GNA13: variants seen among roughly 807,000 people sequenced by gnomAD.
GNA13 encodes guanine nucleotide-binding protein subunit alpha-13.
GNA13 carries 4 observed loss-of-function variants against 33.5 expected under a neutral mutation model. That is an observed-to-expected ratio of 0.12 (90% confidence interval 0.06 to 0.27). GNA13 has a LOEUF of 0.27. Ranked by LOEUF, GNA13 falls within the 10% of genes least tolerant of loss-of-function variation. GNA13 has a pLI of 1.00. For synonymous variants in GNA13, 176 were observed against 183.8 expected, an observed-to-expected ratio of 0.96 and a Z score of 0.34; for missense variants, 319 against 487.2, an observed-to-expected ratio of 0.65 and a Z score of 3.25.
In GNA13 at chr17:65,011,036, C is replaced by T. The variant is rs959835117; in HGVS notation, c.*3221G>A. On this transcript the variant is annotated 3_prime_UTR_variant, in exon 4 of 4. Coordinates refer to ENST00000439174, the MANE Select transcript of GNA13 (RefSeq NM_006572.6). ...AGGCATAATCGGATGTGTATTAATG[C>T]TGAAAATACATTTTATCAAAAGCAT... The T allele has an allele frequency of 1.0e-5, 2 of 200,726 alleles. No homozygotes were observed. The highest frequency in any genetic ancestry group is 4.6e-5 in the African/African-American group (2 of 43,472). The allele number at this position is 200,726 out of a possible 1,614,324, so 12.4% of individuals were successfully genotyped here. A position where few individuals can be genotyped will look rare whatever the true frequency, so the allele number is the denominator to read the frequency against.
At chr17:65,022,775 GC>G (rs1906630182) in intron 2 of GNA13, among the ~76,000 whole-genome samples, 1 of 152,234 alleles carries the variant, frequency 6.6e-6, no homozygotes, top group African/African-American at 2.4e-5. Flanking sequence ...AGCAAGGAAT[GC>G]CATTTACCAA....
Position 65,013,692 on chromosome 17 carries a change from A to C in GNA13, c.*565T>G, listed in dbSNP as rs1906268644. ...TCAGAAACACAGAAATCTAAAAGCA[A>C]AACAGCTGTTGTGTATACAAGCAAT... On this transcript the variant is annotated 3_prime_UTR_variant, in exon 4 of 4. Transcript: ENST00000439174. 9.6e-6 allele frequency: 2 copies of C among 208,556 alleles called. No homozygotes were observed. Among genetic ancestry groups the C allele is most frequent in the Non-Finnish European group, 2.0e-5 (2 of 102,236 alleles). 12.9% of individuals were successfully genotyped at this position (208,556 alleles called of 1,614,324 possible).
At chr17:65,017,402 TGAA>T (rs149604653) in intron 3 of GNA13, among the ~76,000 whole-genome samples, 149 of 152,286 alleles carry the variant, frequency 9.8e-4, no homozygotes, top group African/African-American at 2.9e-3. Flanking sequence ...ACTAGCTGTG[TGAA>T]GAAGAAGAAA....
intron 2 of GNA13, among the ~76,000 whole-genome samples, chr17:65,025,647 G>T (rs1475740254): frequency 6.6e-6 from 1 of 152,050 alleles, no homozygotes; most frequent in African/African-American, 2.4e-5. Flanking sequence ...CCTAAACATT[G>T]CATGATAGGT....
At chr17:65,030,157 G>T (rs182110778) in intron 2 of GNA13, among the ~76,000 whole-genome samples, 246 of 152,310 alleles carry the variant, frequency 1.6e-3, no homozygotes, top group Non-Finnish European at 2.7e-3. Context: ...CTGGTAGTTC[G>T]AAGAGAATAA....
chr17:65,034,943 G>A (rs1054575822), intron 2 of GNA13, among the ~76,000 whole-genome samples: 4 of 152,076 alleles, frequency 2.6e-5, no homozygotes, highest in African/African-American at 7.2e-5. Context: ...GTAACACCAC[G>A]CCTGGCTAAT....
intron 2 of GNA13, among the ~76,000 whole-genome samples, chr17:65,020,738 C>T (rs976786351): frequency 6.6e-6 from 1 of 151,798 alleles, no homozygotes; most frequent in Non-Finnish European, 1.5e-5. Context: ...ACAACCTCCA[C>T]CTCCCGGGTT....
intron 2 of GNA13, among the ~76,000 whole-genome samples, chr17:65,038,233 T>C (rs1213941408): frequency 6.6e-6 from 1 of 152,034 alleles, no homozygotes; most frequent in African/African-American, 2.4e-5. Flanking sequence ...TGAAACCCTG[T>C]CTCTACTAAA....
intron 2 of GNA13, among the ~76,000 whole-genome samples, chr17:65,027,312 G>GC (rs1323287022): frequency 1.5e-5 from 1 of 66,686 alleles, no homozygotes; most frequent in East Asian, 6.6e-4. Flanking sequence ...CCCCTCCCCC[G>GC]CCTTTTTTTT....
intron 2 of GNA13, among the ~76,000 whole-genome samples, chr17:65,025,368 T>C (rs1450858867): frequency 6.6e-6 from 1 of 152,228 alleles, no homozygotes; most frequent in East Asian, 1.9e-4. Context: ...CTTTATTTCC[T>C]ACTGTACTAC....
At chr17:65,049,262 AC>A (rs1425403705) in intron 2 of GNA13, among the ~76,000 whole-genome samples, 2 of 152,108 alleles carry the variant, frequency 1.3e-5, no homozygotes, top group Admixed American at 6.6e-5. Context: ...GGTACATGTC[AC>A]CATGCCTGGC....
At chr17:65,017,777 T>C (rs577151392) in intron 3 of GNA13, among the ~76,000 whole-genome samples, 13 of 152,208 alleles carry the variant, frequency 8.5e-5, no homozygotes, top group Admixed American at 8.5e-4. Flanking sequence ...TGTCAAAAGA[T>C]TTGGAAATCA....
Position 65,013,488 on chromosome 17 carries a change from A to G in GNA13, c.*769T>C, listed in dbSNP as rs374947814. 85 of 212,506 alleles carry G rather than the reference A, an allele frequency of 4.0e-4. No homozygotes were observed. The highest frequency in any genetic ancestry group is 1.8e-3 in the African/African-American group (78 of 44,348). 13.2% of individuals were successfully genotyped at this position (212,506 alleles called of 1,614,324 possible). On this transcript the variant is annotated 3_prime_UTR_variant, in exon 4 of 4. Coordinates refer to ENST00000439174, the MANE Select transcript of GNA13 (RefSeq NM_006572.6). ...GGCCAGAATGTTTCACATATGGTAC[A>G]TTAAACTACATGATAATTAAATATG...
chr17:65,054,192 G>A (rs1907954271), intron 1 of GNA13, among the ~76,000 whole-genome samples: 1 of 152,146 alleles, frequency 6.6e-6, no homozygotes, highest in South Asian at 2.1e-4. Flanking sequence ...TGTTGCTTCG[G>A]CACCCTAACC....
intron 3 of GNA13, 131 bp downstream of exon 3, chr17:65,018,122 A>G (rs1906443067): frequency 5.3e-5 from 11 of 208,160 alleles, no homozygotes; most frequent in African/African-American, 1.7e-4. Context: ...AAAAAAAAAA[A>G]AAAAAAAAAA....
chr17:65,018,302 C>G lies in GNA13; in HGVS notation c.512G>C (p.Gly171Ala), dbSNP rs755140947. 1 of 1,464,498 alleles carries G rather than the reference C, an allele frequency of 6.8e-7. No individual in the cohort carries two copies. Among genetic ancestry groups the G allele is most frequent in the Non-Finnish European group, 9.6e-7 (1 of 1,043,854 alleles). The allele number at this position is 1,464,498 out of a possible 1,614,324, so 90.7% of individuals were successfully genotyped here. Residue 171 changes from glycine to alanine, a missense_variant and splice_region_variant, in exon 3 of 4, where the codon GGT (glycine) becomes GCT (alanine). Coordinates refer to ENST00000439174, the MANE Select transcript of GNA13 (RefSeq NM_006572.6). Reference protein sequence around the residue: ...AYDRRREFQLGESVKYFLDNL... With the variant: ...AYDRRREFQLAESVKYFLDNL... ...ATCCAGGAAATATTTTACAGATTCACCCTAAAAACAAGAAGAAAACAAATA... is the reference window on the plus strand; with the variant it reads ...ATCCAGGAAATATTTTACAGATTCAGCCTAAAAACAAGAAGAAAACAAATA...
Position 65,013,291 on chromosome 17 carries a change from G to C in GNA13, c.*966C>G, listed in dbSNP as rs1341892720. On this transcript the variant is annotated 3_prime_UTR_variant, in exon 4 of 4. Transcript: ENST00000439174. ...GGAGTTGATGGGACTGGACAGGACA[G>C]CAAAAGATAGATGTTTGTGATGATA... is the stretch of plus-strand genomic sequence containing the variant. 4.8e-6 allele frequency: 1 copy of C among 208,612 alleles called. No individual in the cohort carries two copies. Among genetic ancestry groups the C allele is most frequent in the Admixed American group, 5.9e-5 (1 of 16,894 alleles). 12.9% of individuals were successfully genotyped at this position (208,612 alleles called of 1,614,324 possible).
Position 65,012,407 on chromosome 17 carries a change from T to A in GNA13, c.*1850A>T, listed in dbSNP as rs535602454. On this transcript the variant is annotated 3_prime_UTR_variant, in exon 4 of 4. Transcript: ENST00000439174. ...AATTTTGTGAATTTAAACAATGTATTCTTTTTGGCAAGAAGCACTAGATGT... is the reference window on the plus strand; with the variant it reads ...AATTTTGTGAATTTAAACAATGTATACTTTTTGGCAAGAAGCACTAGATGT... 16 of 222,370 alleles carry A rather than the reference T, an allele frequency of 7.2e-5. No homozygotes were observed. The highest frequency in any genetic ancestry group is 1.3e-4 in the Non-Finnish European group (15 of 111,296). The allele number at this position is 222,370 out of a possible 1,614,324, so 13.8% of individuals were successfully genotyped here.
intron 2 of GNA13, among the ~76,000 whole-genome samples, chr17:65,042,462 C>A (rs1276933300): frequency 1.3e-5 from 2 of 151,826 alleles, no homozygotes; most frequent in Non-Finnish European, 2.9e-5. Flanking sequence ...GGTGGCTGGG[C>A]ACGGTGGCTC....
Sources: gnomAD v4.1 joint callset for allele counts (sites outside exome capture counted in the v4.1 genomes callset) on GRCh38, gnomAD v4.1.1 for gene constraint, MANE v1.5 for transcripts, NCBI Gene and HGNC (gene_info 2026-07-23, HGNC 2026-07-21) for gene names.